Variants in PCDH9 observed in about 807,000 individuals in gnomAD.
PCDH9 encodes protocadherin 9.
Under a neutral mutation model 70.6 loss-of-function variants are expected in PCDH9, and 24 were observed. The observed-to-expected ratio is 0.34, with a 90% CI of 0.25 to 0.48. PCDH9 has a LOEUF of 0.48. Ranked by LOEUF, PCDH9 falls within the 20% of genes least tolerant of loss-of-function variation. The pLI is 0.99. For missense variants in PCDH9, 1,281 were observed against 1,503.6 expected, an observed-to-expected ratio of 0.85 and a Z score of 2.45; for synonymous variants, 562 against 558.5, an observed-to-expected ratio of 1.01 and a Z score of -0.09.
At chr13:66,404,110 A>G (rs1369449214) in intron 4 of PCDH9, among the ~76,000 whole-genome samples, 1 of 152,206 alleles carries the variant, frequency 6.6e-6, no homozygotes, top group Non-Finnish European at 1.5e-5. Flanking sequence ...TCAGTTATCT[A>G]AAAGTAGAAT....
At chr13:66,801,996 CTGTTTGTTTGTT>C (rs71207605) in intron 3 of PCDH9, among the ~76,000 whole-genome samples, 6 of 149,728 alleles carry the variant, frequency 4.0e-5, no homozygotes, top group South Asian at 2.1e-4. Flanking sequence ...AGGTGTTTTT[CTGTTTGTTTGTT>C]TGTTTGTTTG....
At chr13:66,329,931 A>G (rs1593807775) in intron 4 of PCDH9, among the ~76,000 whole-genome samples, 1 of 152,352 alleles carries the variant, frequency 6.6e-6, no homozygotes, top group East Asian at 1.9e-4. Context: ...AAAAAAATGC[A>G]TAACTTTGCA....
chr13:66,993,872 CGATT>C (rs1231462738), intron 2 of PCDH9, among the ~76,000 whole-genome samples: 1 of 151,790 alleles, frequency 6.6e-6, no homozygotes, highest in Non-Finnish European at 1.5e-5. Context: ...ATTGATTGAT[CGATT>C]GATTGTCTAC....
chr13:67,084,708 C>T (rs1165927910), intron 2 of PCDH9, among the ~76,000 whole-genome samples: 3 of 151,736 alleles, frequency 2.0e-5, no homozygotes, highest in East Asian at 3.9e-4. Flanking sequence ...TGGTGGCTCA[C>T]GCCTGTAATC....
intron 3 of PCDH9, among the ~76,000 whole-genome samples, chr13:66,812,638 A>G (rs1321562007): frequency 6.6e-6 from 1 of 152,246 alleles, no homozygotes; most frequent in Non-Finnish European, 1.5e-5. Flanking sequence ...ACCATAAAAT[A>G]GAACAAGGCA....
chr13:66,826,367 T>G (rs564067336), intron 3 of PCDH9, among the ~76,000 whole-genome samples: 1 of 152,314 alleles, frequency 6.6e-6, no homozygotes, highest in African/African-American at 2.4e-5. Context: ...ATAAAGGCCA[T>G]GGATAAAGTT....
At chr13:66,768,714 C>T (rs1266298474) in intron 3 of PCDH9, among the ~76,000 whole-genome samples, 1 of 151,960 alleles carries the variant, frequency 6.6e-6, no homozygotes, top group Non-Finnish European at 1.5e-5. Context: ...TGAAAGAAAC[C>T]CCATGCTGAC....
chr13:66,456,082 C>G (rs1958311851), intron 4 of PCDH9, among the ~76,000 whole-genome samples: 1 of 152,062 alleles, frequency 6.6e-6, no homozygotes, highest in Non-Finnish European at 1.5e-5. Context: ...TCTAAATGAA[C>G]ATATTCCAAT....
chr13:66,589,324 C>T (rs775950876), intron 4 of PCDH9, among the ~76,000 whole-genome samples: 14 of 151,922 alleles, frequency 9.2e-5, no homozygotes, highest in Admixed American at 3.3e-4. Context: ...TACCACCTTA[C>T]GATGACTATA....
intron 3 of PCDH9, among the ~76,000 whole-genome samples, chr13:66,873,918 C>CTTTTTTTTTTTTTTTTTTTTTTTTT (rs796944538): frequency 7.7e-6 from 1 of 130,140 alleles, no homozygotes. Context: ...CTTTTCGTTT[C>CTTTTTTTTTTTTTTTTTTTTTTTTT]TTTTTTTTTT....
intron 2 of PCDH9, among the ~76,000 whole-genome samples, chr13:67,175,180 C>T (rs2088417293): frequency 6.6e-6 from 1 of 151,992 alleles, no homozygotes; most frequent in Non-Finnish European, 1.5e-5. Flanking sequence ...TCTCCAAGCT[C>T]TGGACAATAT....
At chr13:67,106,640 G>A (rs2086549963) in intron 2 of PCDH9, among the ~76,000 whole-genome samples, 1 of 152,218 alleles carries the variant, frequency 6.6e-6, no homozygotes, top group Non-Finnish European at 1.5e-5. Flanking sequence ...AGCTAATGGG[G>A]ACTGGGAACA....
rs17082175 is a variant in PCDH9, at chr13:67,151,837, T to C, written c.3036+73568A>G. ...AGCCCTTGTATAGCTGCAGGCAACA[T>C]CTCCACCCAATTCTAGGCCACACTC... On this transcript the variant is annotated intron_variant, in intron 2 of 4. Coordinates refer to ENST00000377865, the MANE Select transcript of PCDH9 (RefSeq NM_203487.3). 9.2e-3 allele frequency among the ~76,000 whole-genome samples: 1,403 copies of C among 152,072 alleles called. 25 individuals carry two copies. Among genetic ancestry groups the C allele is most frequent in the African/African-American group, 0.032 (1,318 of 41,494 alleles).
intron 3 of PCDH9, among the ~76,000 whole-genome samples, chr13:66,739,982 C>G (rs2079230119): frequency 6.6e-6 from 1 of 151,420 alleles, no homozygotes. Flanking sequence ...AGCTCTGCAC[C>G]AAGCGGACCT....
chr13:66,481,957 C>T (rs1958847891), intron 4 of PCDH9, among the ~76,000 whole-genome samples: 1 of 152,056 alleles, frequency 6.6e-6, no homozygotes, highest in Non-Finnish European at 1.5e-5. Flanking sequence ...CACACACACA[C>T]ACACACACAA....
At chr13:67,087,087 T>TAA (rs36017495) in intron 2 of PCDH9, among the ~76,000 whole-genome samples, 1,314 of 123,704 alleles carry the variant, frequency 0.011, 6 homozygotes, top group Non-Finnish European at 0.012. Context: ...TGATGTTTTG[T>TAA]AAAAAAAAAA....
At chr13:67,183,373 G>A (rs1040945528) in intron 2 of PCDH9, among the ~76,000 whole-genome samples, 1 of 152,158 alleles carries the variant, frequency 6.6e-6, no homozygotes, top group Non-Finnish European at 1.5e-5. Context: ...TCCCTTTCAA[G>A]TTCCTGCATT....
At chr13:66,746,797 T>C (rs548385190) in intron 3 of PCDH9, among the ~76,000 whole-genome samples, 4 of 152,148 alleles carry the variant, frequency 2.6e-5, no homozygotes, top group Non-Finnish European at 5.9e-5. Context: ...ATTAAATTTT[T>C]TTTCATTATG....
chr13:66,986,738 A>G (rs764812046), intron 2 of PCDH9, among the ~76,000 whole-genome samples: 7 of 152,058 alleles, frequency 4.6e-5, no homozygotes, highest in Admixed American at 1.3e-4. Flanking sequence ...AATAGATAGG[A>G]AGATATTTTC....
Sources: gnomAD v4.1 joint callset for allele counts (sites outside exome capture counted in the v4.1 genomes callset) on GRCh38, gnomAD v4.1.1 for gene constraint, MANE v1.5 for transcripts, NCBI Gene and HGNC (gene_info 2026-07-23, HGNC 2026-07-21) for gene names.